Variants in MAN1A2 observed in about 807,000 individuals in gnomAD.
The protein encoded by MAN1A2 is mannosidase alpha class 1A member 2, also known as mannosyl-oligosaccharide 1,2-alpha-mannosidase IB.
A neutral mutation model predicts 75.7 loss-of-function variants in MAN1A2; 26 were observed. The ratio of observed to expected loss-of-function variants is 0.34; its 90% CI spans 0.25 to 0.48. MAN1A2 has a LOEUF of 0.48. Among genes scored for constraint, MAN1A2 ranks in the 20% least tolerant of loss-of-function variants. The pLI, the probability that MAN1A2 is intolerant of heterozygous loss-of-function variation, is 0.99. For missense variants in MAN1A2, 562 were observed against 775.5 expected, an observed-to-expected ratio of 0.72 and a Z score of 3.27; for synonymous variants, 247 against 264.6, an observed-to-expected ratio of 0.93 and a Z score of 0.65.
intron 12 of MAN1A2, among the ~76,000 whole-genome samples, chr1:117,514,285 C>T (rs769818405): frequency 4.6e-5 from 7 of 151,538 alleles, no homozygotes; most frequent in Non-Finnish European, 8.8e-5. Context: ...ATCACTTGAA[C>T]CCGGGAGGCA....
rs142014546 is a variant in MAN1A2 at position 117,447,639 on chromosome 1, A to C, written c.950+5314A>C. Among the ~76,000 whole-genome samples the C allele has an allele frequency of 5.9e-5, 9 of 152,316 alleles. No individual in the cohort carries two copies. In the East Asian group the frequency reaches 1.7e-3, roughly 29 times the overall value. ...TTTACTTTTATTTATCAGATAGATAAATATAAAATCTTGTTCCAATGTTTA... is the reference window on the plus strand; with the variant it reads ...TTTACTTTTATTTATCAGATAGATACATATAAAATCTTGTTCCAATGTTTA... On this transcript the variant is annotated intron_variant, in intron 6 of 12. Coordinates refer to ENST00000356554, the MANE Select transcript of MAN1A2 (RefSeq NM_006699.5).
Position 117,527,295 on chromosome 1 carries a change from GC to G in MAN1A2, c.*4339del, listed in dbSNP as rs1444788702. On this transcript the variant is annotated 3_prime_UTR_variant, in exon 13 of 13. Transcript: ENST00000356554. ...AGATACTATGTAAAGAATGGGCGTA[GC>G]TATGTTCCAGGAAAACTTTATTTAC... 2 of 151,868 alleles carry G rather than the reference GC, an allele frequency of 1.3e-5. No homozygotes were observed. Among genetic ancestry groups the G allele is most frequent in the African/African-American group, 4.8e-5 (2 of 41,392 alleles). 9.4% of individuals were successfully genotyped at this position (151,868 alleles called of 1,614,324 possible). A position where few individuals can be genotyped will look rare whatever the true frequency, so the allele number is the denominator to read the frequency against.
At chr1:117,460,457 T>C in intron 6 of MAN1A2, 32 bp from the exon 7 acceptor site, 1 of 1,556,664 alleles carries the variant, frequency 6.4e-7, no homozygotes, top group Non-Finnish European at 8.8e-7. Context: ...TTCCCAATCC[T>C]GTGTCTCCTT....
At chr1:117,381,113 A>G (rs1034465322) in intron 1 of MAN1A2, among the ~76,000 whole-genome samples, 8 of 151,984 alleles carry the variant, frequency 5.3e-5, no homozygotes, top group African/African-American at 1.5e-4. Flanking sequence ...GCTCTTTTGT[A>G]TGGTATCGCA....
intron 5 of MAN1A2, among the ~76,000 whole-genome samples, chr1:117,440,102 C>G (rs1648981564): frequency 6.6e-6 from 1 of 152,128 alleles, no homozygotes; most frequent in Non-Finnish European, 1.5e-5. Context: ...GCTGGTAGTC[C>G]TTTGTAGGCT....
intron 8 of MAN1A2, among the ~76,000 whole-genome samples, chr1:117,474,309 G>T (rs1650250388): frequency 6.6e-6 from 1 of 151,692 alleles, no homozygotes; most frequent in South Asian, 2.1e-4. Context: ...AGCATTGCTG[G>T]TGAAAATAAC....
At chr1:117,440,209 G>T (rs953003629) in intron 5 of MAN1A2, among the ~76,000 whole-genome samples, 3 of 152,274 alleles carry the variant, frequency 2.0e-5, no homozygotes, top group African/African-American at 7.2e-5. Context: ...GACTCTGAGT[G>T]TGTGTAAATT....
In MAN1A2 at chr1:117,368,171, A is replaced by G; in HGVS notation, c.-13A>G. The stretch of plus-strand genomic sequence containing the variant: ...GAGAACTTTCTAAAGTATTCTCTCC[A>G]AGAGCGTAAACGATGACTACCCCAG... On this transcript the variant is annotated 5_prime_UTR_variant, in exon 1 of 13. Transcript: ENST00000356554. The G allele has an allele frequency of 6.2e-7, 1 of 1,600,398 alleles. No homozygotes were observed. Among genetic ancestry groups the G allele is most frequent in the Non-Finnish European group, 8.5e-7 (1 of 1,175,234 alleles).
At chr1:117,503,168 G>A (rs959931496) in intron 12 of MAN1A2, among the ~76,000 whole-genome samples, 198 bp downstream of exon 12, 6 of 151,554 alleles carry the variant, frequency 4.0e-5, no homozygotes, top group Admixed American at 3.3e-4. Flanking sequence ...TATCAAAAAA[G>A]TACTTAGTAC....
At position 117,470,782 on chromosome 1, in the gene MAN1A2, T is replaced by C. The variant is rs12745755; in HGVS notation, c.1168+4355T>C. On this transcript the variant is annotated intron_variant, in intron 8 of 12. Transcript: ENST00000356554. ...AGTATATCAAATTTTATTATTATCT[T>C]TGAGCTATATGCATCTGTCATATTT... 8.8e-3 allele frequency among the ~76,000 whole-genome samples: 1,332 copies of C among 152,152 alleles called. 7 individuals carry two copies. Among genetic ancestry groups the C allele is most frequent in the Non-Finnish European group, 0.015 (1,012 of 67,906 alleles).
At chr1:117,375,668 G>A (rs1423529826) in intron 1 of MAN1A2, among the ~76,000 whole-genome samples, 1 of 152,084 alleles carries the variant, frequency 6.6e-6, no homozygotes, top group Non-Finnish European at 1.5e-5. Context: ...ATTAATGAAT[G>A]TTACAGAAGA....
At chr1:117,405,032 G>A (rs1647568156) in intron 2 of MAN1A2, among the ~76,000 whole-genome samples, 1 of 152,126 alleles carries the variant, frequency 6.6e-6, no homozygotes, top group Admixed American at 6.6e-5. Flanking sequence ...GGGTGACAGA[G>A]CGAGACTCCA....
At chr1:117,503,107 AT>A in intron 12 of MAN1A2, 137 bp downstream of exon 12, 1 of 518,878 alleles carries the variant, frequency 1.9e-6, no homozygotes, top group Non-Finnish European at 3.3e-6. Flanking sequence ...GGGTGTGTAA[AT>A]TTTTAGCTAC....
At chr1:117,451,178 G>A (rs556874147) in intron 6 of MAN1A2, among the ~76,000 whole-genome samples, 36 of 152,356 alleles carry the variant, frequency 2.4e-4, no homozygotes, top group African/African-American at 7.7e-4. Context: ...TGACCTGGAT[G>A]TGAGACATGG....
chr1:117,495,869 T>G (rs1033824531), intron 9 of MAN1A2, among the ~76,000 whole-genome samples: 1 of 151,928 alleles, frequency 6.6e-6, no homozygotes, highest in Non-Finnish European at 1.5e-5. Flanking sequence ...AATTATCATT[T>G]TGGTTATCAG....
rs368672320 is a variant in MAN1A2 at position 117,384,374 on chromosome 1, AG to A, written c.302+15890del. On this transcript the variant is annotated intron_variant, in intron 1 of 12. Coordinates refer to ENST00000356554, the MANE Select transcript of MAN1A2 (RefSeq NM_006699.5). The stretch of plus-strand genomic sequence containing the variant: ...TGATTTCTTTGACATGTTGGTTAAG[AG>A]TGTGTTGTTTAATATCCACATATTT... Among the ~76,000 whole-genome samples, 13 of 152,238 alleles carry A rather than the reference AG, an allele frequency of 8.5e-5. No homozygotes were observed. The East Asian group carries it at 2.1e-3, about 25-fold the overall frequency.
intron 1 of MAN1A2, among the ~76,000 whole-genome samples, chr1:117,370,666 T>C (rs535242174): frequency 6.6e-6 from 1 of 152,164 alleles, no homozygotes; most frequent in Non-Finnish European, 1.5e-5. Flanking sequence ...GGTACTAAGA[T>C]CATATGTATT....
intron 12 of MAN1A2, among the ~76,000 whole-genome samples, chr1:117,507,361 AAATT>A (rs1316992305): frequency 6.6e-6 from 1 of 151,678 alleles, no homozygotes. Flanking sequence ...TCATGAGAGA[AAATT>A]AATTCCAACT....
chr1:117,400,813 T>C (rs1309382331), intron 1 of MAN1A2, among the ~76,000 whole-genome samples: 1 of 152,218 alleles, frequency 6.6e-6, no homozygotes, highest in African/African-American at 2.4e-5. Context: ...TAAACATTTG[T>C]GTATAGTCCT....
Sources: gnomAD v4.1 joint callset for allele counts (sites outside exome capture counted in the v4.1 genomes callset) on GRCh38, gnomAD v4.1.1 for gene constraint, MANE v1.5 for transcripts, NCBI Gene and HGNC (gene_info 2026-07-23, HGNC 2026-07-21) for gene names.